Variants in ABCA13 observed in about 807,000 individuals in gnomAD.
The protein encoded by ABCA13 is ATP binding cassette subfamily A member 13.
ABCA13 carries 476 observed loss-of-function variants against 478.7 expected under a neutral mutation model. The observed-to-expected ratio is 0.99, with a 90% CI of 0.92 to 1.07. The LOEUF (loss-of-function observed/expected upper bound fraction) is 1.07. Ranked by LOEUF, ABCA13 falls within the 50% of genes least tolerant of loss-of-function variation. ABCA13 has a pLI of 0.00. For missense variants in ABCA13, 6,060 were observed against 5,910.6 expected (o/e 1.03, Z -0.83); for synonymous variants, 2,252 against 2,158.9 (o/e 1.04, Z -1.20).
At chr7:48,258,533 C>A (rs1200666295) in intron 15 of ABCA13, among the ~76,000 whole-genome samples, 1 of 152,014 alleles carries the variant, frequency 6.6e-6, no homozygotes, top group Non-Finnish European at 1.5e-5. Flanking sequence ...TTCAAGAAAC[C>A]AAGCTCTGCA....
Position 48,288,011 on chromosome 7 carries a change from A to G in ABCA13, c.8888A>G (p.Gln2963Arg). ...TTGTGTGCTACTCTGAGTTGCAAGC[A>G]AAATGGGATAAGGCATCTCATTTTA... Reference protein sequence around the residue: ...DILCATLSCKQNGIRHLILSA... With the variant: ...DILCATLSCKRNGIRHLILSA... The change falls in exon 20 of 62, where the codon CAA (glutamine) becomes CGA (arginine). Residue 2963 changes from glutamine to arginine, a missense_variant. This residue lies in a region of ABCA13 where 4,423 missense variants were observed against 4,309.1 expected (regional missense o/e 1.03). Transcript: ENST00000435803. 1 of 1,614,034 alleles carries G rather than the reference A, an allele frequency of 6.2e-7. No homozygotes were observed. The highest frequency in any genetic ancestry group is 1.1e-5 in the South Asian group (1 of 91,084).
intron 31 of ABCA13, among the ~76,000 whole-genome samples, chr7:48,363,040 T>G (rs1458887826): frequency 6.6e-6 from 1 of 152,170 alleles, no homozygotes; most frequent in Admixed American, 6.6e-5. Context: ...CTGTTTTTGT[T>G]TTAGTCTTGC....
intron 48 of ABCA13, among the ~76,000 whole-genome samples, chr7:48,491,037 G>T (rs897046616): frequency 1.3e-5 from 2 of 152,118 alleles, no homozygotes; most frequent in African/African-American, 2.4e-5. Flanking sequence ...GAATAAAAAA[G>T]ATTTTAAGAA....
At position 48,193,125 on chromosome 7, in the gene ABCA13, T is replaced by C. The variant is rs1035228522; in HGVS notation, c.163+73T>C. ...AAAAACTCATAGCACTCTTTCTTGTTTTTTATAAACTCTGAATGCTGAGTG... is the reference window on the plus strand; with the variant it reads ...AAAAACTCATAGCACTCTTTCTTGTCTTTTATAAACTCTGAATGCTGAGTG... On this transcript the variant is annotated intron_variant, in intron 2 of 61. Transcript: ENST00000435803. The C allele has an allele frequency of 7.2e-6, 8 of 1,108,084 alleles. No individual in the cohort carries two copies. The African/African-American group carries it at 1.3e-4, about 18-fold the overall frequency. The allele number at this position is 1,108,084 out of a possible 1,614,324, so 68.6% of individuals were successfully genotyped here.
In ABCA13 at chr7:48,551,703, C is replaced by T. The variant is rs1042532023; in HGVS notation, c.14354+23358C>T. Among the ~76,000 whole-genome samples, 11 of 151,214 alleles carry T rather than the reference C, an allele frequency of 7.3e-5. No individual in the cohort carries two copies. The Middle Eastern group carries it at 0.01, about 141-fold the overall frequency. ...CATTCATTATAATAATGCTTAATTCCCAGTTTGGTAAAATTAATCTTAGTT... is the reference window on the plus strand; with the variant it reads ...CATTCATTATAATAATGCTTAATTCTCAGTTTGGTAAAATTAATCTTAGTT... On this transcript the variant is annotated intron_variant, in intron 55 of 61. Coordinates refer to ENST00000435803, the MANE Select transcript of ABCA13 (RefSeq NM_152701.5).
In ABCA13 at chr7:48,474,035, AGTT is replaced by A. The variant is rs372195067; in HGVS notation, c.12975+2437_12975+2439del. 7.4e-3 allele frequency among the ~76,000 whole-genome samples: 1,128 copies of A among 152,230 alleles called. 14 individuals are homozygous for A. Among genetic ancestry groups the A allele is most frequent in the African/African-American group, 0.026 (1,072 of 41,536 alleles). On this transcript the variant is annotated intron_variant, in intron 45 of 61. Transcript: ENST00000435803. ...CATTTGGTGATCCTTTGCAGTGATC[AGTT>A]ATCTTTTTTTTTAAATACATAATTA...
At chr7:48,410,815 GC>G in intron 40 of ABCA13, 138 bp downstream of exon 40, 2 of 1,268,452 alleles carry the variant, frequency 1.6e-6, no homozygotes, top group Non-Finnish European at 2.2e-6. Context: ...AAAATAAGTG[GC>G]CCCAGGCCTG....
chr7:48,248,302 T>C lies in ABCA13; in HGVS notation c.1723T>C (p.Tyr575His). 1 of 1,613,888 alleles carries C rather than the reference T, an allele frequency of 6.2e-7. No homozygotes were observed. Among genetic ancestry groups the C allele is most frequent in the Non-Finnish European group, 8.5e-7 (1 of 1,179,790 alleles). Residue 575 changes from tyrosine to histidine, a missense_variant, in exon 14 of 62, where the codon TAT becomes CAT. This residue lies in a region of ABCA13 where 4,423 missense variants were observed against 4,309.1 expected (regional missense o/e 1.03). Transcript: ENST00000435803. ...TATGTCAGTTTTAATACCTGAAGAA[T>C]ATTTGGACTGGCAGGAACTTGAGAT... ...KNMSVLIPEEYLDWQELEMQL... is the reference protein window; with the variant it reads ...KNMSVLIPEEHLDWQELEMQL...
At chr7:48,199,745 G>C (rs1349601967) in intron 3 of ABCA13, among the ~76,000 whole-genome samples, 1 of 152,188 alleles carries the variant, frequency 6.6e-6, no homozygotes, top group African/African-American at 2.4e-5. Flanking sequence ...GTCTTTCTTG[G>C]AAGCATTAGA....
chr7:48,390,225 T>C (rs1322555625), intron 37 of ABCA13, among the ~76,000 whole-genome samples: 1 of 152,116 alleles, frequency 6.6e-6, no homozygotes, highest in African/African-American at 2.4e-5. Context: ...GCATTTGGAG[T>C]TTCTAGATGA....
At position 48,275,079 on chromosome 7, in the gene ABCA13, G is replaced by T. The variant is rs555037483; in HGVS notation, c.5413G>T (p.Val1805Leu). Reference sequence around the variant, plus strand: ...AATTCTTTTGGATACAATTGAATTAGTATCAGATAAGCCAGATATTATTTC... The same window carrying T: ...AATTCTTTTGGATACAATTGAATTATTATCAGATAAGCCAGATATTATTTC... ...IKILLDTIEL[V>L]SDKPDIISEA... Residue 1805 changes from valine to leucine, a missense_variant, in exon 17 of 62, where the codon GTA (valine) becomes TTA (leucine). By Grantham distance (32) the Val-to-Leu change is conservative. This residue lies in a region of ABCA13 where 4,423 missense variants were observed against 4,309.1 expected (regional missense o/e 1.03). Coordinates refer to ENST00000435803, the MANE Select transcript of ABCA13 (RefSeq NM_152701.5). 11 of 1,613,300 alleles carry T rather than the reference G, an allele frequency of 6.8e-6. No individual in the cohort carries two copies. The East Asian group carries it at 1.6e-4, about 23-fold the overall frequency.
intron 58 of ABCA13, among the ~76,000 whole-genome samples, chr7:48,600,450 T>C (rs1039244682): frequency 6.6e-6 from 1 of 152,118 alleles, no homozygotes; most frequent in African/African-American, 2.4e-5. Context: ...TAACATTGAC[T>C]GTTTTGCTAT....
chr7:48,295,543 T>C (rs1004194249), intron 20 of ABCA13, among the ~76,000 whole-genome samples, 157 bp from the exon 21 acceptor site: 3 of 152,238 alleles, frequency 2.0e-5, no homozygotes, highest in Non-Finnish European at 4.4e-5. Context: ...TCTGGGCTTC[T>C]GTATTTCCAC....
intron 59 of ABCA13, among the ~76,000 whole-genome samples, chr7:48,628,189 C>T (rs923450491): frequency 6.6e-6 from 1 of 152,122 alleles, no homozygotes; most frequent in South Asian, 2.1e-4. Flanking sequence ...TCTCCAGCAT[C>T]GATTGTAATT....
rs1450980952 is a variant in ABCA13, at chr7:48,309,936, C to T, written c.9322-11C>T. 1 of 1,613,676 alleles carries T rather than the reference C, an allele frequency of 6.2e-7. No individual in the cohort carries two copies. Among genetic ancestry groups the T allele is most frequent in the Non-Finnish European group, 8.5e-7 (1 of 1,179,736 alleles). On this transcript the variant is annotated splice_polypyrimidine_tract_variant and intron_variant, in intron 23 of 61. Coordinates refer to ENST00000435803, the MANE Select transcript of ABCA13 (RefSeq NM_152701.5). Reference sequence around the variant, plus strand: ...GGTATACTCACCTCTAATCTCTGTGCTTTGAAACAGGTTCTCTTCAGTGCC... The same window carrying T: ...GGTATACTCACCTCTAATCTCTGTGTTTTGAAACAGGTTCTCTTCAGTGCC...
intron 55 of ABCA13, among the ~76,000 whole-genome samples, chr7:48,555,796 T>A (rs1482746126): frequency 6.6e-6 from 1 of 151,780 alleles, no homozygotes; most frequent in African/African-American, 2.4e-5. Context: ...TATTATTTTC[T>A]TTATTTCACA....
intron 48 of ABCA13, among the ~76,000 whole-genome samples, chr7:48,502,190 C>G (rs983410880): frequency 1.3e-5 from 2 of 152,142 alleles, no homozygotes; most frequent in South Asian, 2.1e-4. Flanking sequence ...TGGGGAATTA[C>G]TAACTACAGG....
In ABCA13 at chr7:48,391,842, A is replaced by G. The variant is rs1816107899; in HGVS notation, c.11655-79A>G. On this transcript the variant is annotated intron_variant, in intron 37 of 61. Transcript: ENST00000435803. ...GTGCTCTTGGCAGGATGCATGCGCCATCCTGGAGCTGACTGGATTGCTGAC... is the reference window on the plus strand; with the variant it reads ...GTGCTCTTGGCAGGATGCATGCGCCGTCCTGGAGCTGACTGGATTGCTGAC... 5 of 1,400,668 alleles carry G rather than the reference A, an allele frequency of 3.6e-6. No homozygotes were observed. The South Asian group carries it at 6.2e-5, about 17-fold the overall frequency. The allele number at this position is 1,400,668 out of a possible 1,614,324, so 86.8% of individuals were successfully genotyped here.
chr7:48,298,402 AG>A lies in ABCA13; in HGVS notation c.9237del (p.Lys3079AsnfsTer2), dbSNP rs776796866. 2 of 1,612,242 alleles carry A rather than the reference AG, an allele frequency of 1.2e-6. No homozygotes were observed. The highest frequency in any genetic ancestry group is 1.7e-5 in the Admixed American group (1 of 59,792). ...AAAGATTTGATGAAGAATATCACCA[AG>A]TTGACTGAGGAGCTTCGCTCTTCCA... is the stretch of plus-strand genomic sequence containing the variant. ...KIKDLMKNIT[K>X]LTEELRSSIQ... On this transcript the variant is annotated frameshift_variant, in exon 23 of 62. Transcript: ENST00000435803. LOFTEE classifies it high-confidence loss of function.
Sources: gnomAD v4.1 joint callset for allele counts (sites outside exome capture counted in the v4.1 genomes callset) on GRCh38, gnomAD v4.1.1 for gene constraint, gnomAD v4.1.1 regional missense constraint, MANE v1.5 for transcripts, NCBI Gene and HGNC (gene_info 2026-07-23, HGNC 2026-07-21) for gene names.